RASSF3: variants seen among roughly 807,000 people sequenced by gnomAD.
RASSF3 encodes the protein ras association domain-containing protein 3.
In RASSF3, 19 loss-of-function variants were observed where a neutral mutation model predicts 19.9. The observed-to-expected ratio is 0.96, with a 90% confidence interval of 0.67 to 1.40. The LOEUF is 1.40. Ranked by LOEUF, RASSF3 falls within the 40% of genes most tolerant of loss-of-function variation. The pLI is 0.00. For missense variants in RASSF3, 306 were observed against 289.8 expected (o/e 1.06, Z -0.41); for synonymous variants, 110 against 104.2 (o/e 1.06, Z -0.34).
intron 1 of RASSF3, among the ~76,000 whole-genome samples, chr12:64,613,641 A>G (rs1195741794): frequency 6.6e-6 from 1 of 152,158 alleles, no homozygotes; most frequent in Non-Finnish European, 1.5e-5. Flanking sequence ...ACAAAAATGG[A>G]AAAGGGTTAA....
chr12:64,586,196 C>T (rs1043962407), intron 2 of RASSF3, among the ~76,000 whole-genome samples: 6 of 151,898 alleles, frequency 4.0e-5, no homozygotes, highest in African/African-American at 9.7e-5. Flanking sequence ...TGGTGGCGGG[C>T]GCCTGTAATC....
rs138803925 is a variant in RASSF3, at chr12:64,525,542, T to C, written c.170-16039T>C. ...GGTCAGGCAGCTCTTCTCCTCATTG[T>C]CTCATATGAACAGTCATACGCATTC... On this transcript the variant is annotated intron_variant, in intron 1 of 5. Coordinates refer to the RASSF3 transcript ENST00000637125. Among the ~76,000 whole-genome samples, 6 of 152,276 alleles carry C rather than the reference T, an allele frequency of 3.9e-5. No homozygotes were observed. The East Asian group carries it at 1.2e-3, about 29-fold the overall frequency.
chr12:64,609,066 G>GT (rs1349059604), upstream of RASSF3, among the ~76,000 whole-genome samples: 1 of 152,146 alleles, frequency 6.6e-6, no homozygotes, highest in Admixed American at 6.6e-5. Context: ...GGTGGAGCAG[G>GT]TTTGCAAGCC....
downstream of RASSF3, among the ~76,000 whole-genome samples, chr12:64,544,846 A>G (rs1006656620): frequency 1.2e-4 from 18 of 152,222 alleles, no homozygotes; most frequent in Non-Finnish European, 1.0e-4. Context: ...GACCAAATAC[A>G]TGAGTTTGCC....
chr12:64,518,052 C>A (rs779401574), intron 1 of RASSF3, among the ~76,000 whole-genome samples: 15 of 152,022 alleles, frequency 9.9e-5, no homozygotes, highest in Non-Finnish European at 1.9e-4. Flanking sequence ...TATGACTATA[C>A]TTAAAAGACT....
Position 64,615,455 on chromosome 12 carries a change from A to G in RASSF3, c.111+4712A>G, listed in dbSNP as rs1483338286. Among the ~76,000 whole-genome samples the G allele has an allele frequency of 5.9e-5, 9 of 152,334 alleles. No individual in the cohort carries two copies. In the East Asian group the frequency reaches 9.6e-4, roughly 16 times the overall value. ...GAATTTTACTTCAGTAAGTAAGTCT[A>G]TTAGACTCCCCATAGCAGGCCTCAA... On this transcript the variant is annotated intron_variant, in intron 1 of 4. Coordinates refer to ENST00000542104, the MANE Select transcript of RASSF3 (RefSeq NM_178169.4).
At chr12:64,633,511 C>T (rs764536366) in intron 1 of RASSF3, among the ~76,000 whole-genome samples, 22 of 144,904 alleles carry the variant, frequency 1.5e-4, no homozygotes, top group Non-Finnish European at 3.2e-4. Context: ...TTTCCTTTCA[C>T]CTCCTGAGGT....
intron 1 of RASSF3, among the ~76,000 whole-genome samples, chr12:64,673,227 T>C (rs139060038): frequency 6.6e-6 from 1 of 152,336 alleles, no homozygotes; most frequent in Non-Finnish European, 1.5e-5. Context: ...AGGAGATGTA[T>C]GGCTGCTGGG....
intron 2 of RASSF3, among the ~76,000 whole-genome samples, chr12:64,596,463 G>A (rs975864714): frequency 6.6e-6 from 1 of 152,186 alleles, no homozygotes; most frequent in African/African-American, 2.4e-5. Flanking sequence ...GGCTGTACAA[G>A]CATGGCACCA....
At chr12:64,635,925 T>A (rs933789002) in intron 1 of RASSF3, among the ~76,000 whole-genome samples, 1 of 152,116 alleles carries the variant, frequency 6.6e-6, no homozygotes, top group Non-Finnish European at 1.5e-5. Flanking sequence ...ATTATGAAAA[T>A]AGGCAGTATC....
intron 2 of RASSF3, among the ~76,000 whole-genome samples, chr12:64,599,925 G>C (rs559901131): frequency 4.0e-4 from 61 of 151,558 alleles, no homozygotes; most frequent in Admixed American, 2.0e-4. Flanking sequence ...CCAGCTCCTC[G>C]GGAGGCTGAG....
intron 3 of RASSF3, among the ~76,000 whole-genome samples, chr12:64,689,998 C>T (rs1230122825): frequency 6.6e-6 from 1 of 151,534 alleles, no homozygotes; most frequent in Non-Finnish European, 1.5e-5. Context: ...ACTGTGTTAG[C>T]TAGGATGGTC....
intron 1 of RASSF3, among the ~76,000 whole-genome samples, chr12:64,637,907 C>T (rs561379002): frequency 6.7e-4 from 102 of 151,576 alleles, no homozygotes; most frequent in Non-Finnish European, 1.3e-3. Flanking sequence ...TCTTGGCTGA[C>T]TGCAACCTCC....
intron 2 of RASSF3, among the ~76,000 whole-genome samples, chr12:64,560,782 G>A (rs1869333209): frequency 1.3e-5 from 2 of 152,184 alleles, no homozygotes; most frequent in South Asian, 4.1e-4. Context: ...GAATACTTGT[G>A]CGGGATAAAG....
chr12:64,667,839 G>T (rs899168516), intron 1 of RASSF3, among the ~76,000 whole-genome samples: 1 of 152,170 alleles, frequency 6.6e-6, no homozygotes, highest in Admixed American at 6.5e-5. Context: ...GAGGACAGAG[G>T]GCAGGACTGG....
intron 2 of RASSF3, among the ~76,000 whole-genome samples, chr12:64,549,210 C>A (rs1869116775): frequency 6.6e-6 from 1 of 152,154 alleles, no homozygotes; most frequent in Non-Finnish European, 1.5e-5. Flanking sequence ...GTTCTTCTGC[C>A]AGTTGTAGAT....
intron 1 of RASSF3, among the ~76,000 whole-genome samples, chr12:64,512,524 G>T (rs969971393): frequency 2.0e-5 from 3 of 152,036 alleles, no homozygotes; most frequent in African/African-American, 7.3e-5. Flanking sequence ...ACTGTAAAAG[G>T]CTACTTATTT....
At chr12:64,544,914 G>A (rs1869026562), downstream of RASSF3, among the ~76,000 whole-genome samples, 2 of 152,208 alleles carry the variant, frequency 1.3e-5, no homozygotes, top group African/African-American at 4.8e-5. Flanking sequence ...CTGTTTAGAA[G>A]AGTGTGTTCA....
chr12:64,617,897 AT>A (rs1870609259), intron 1 of RASSF3, among the ~76,000 whole-genome samples: 1 of 152,138 alleles, frequency 6.6e-6, no homozygotes, highest in African/African-American at 2.4e-5. Context: ...GTGGAAGTGT[AT>A]CACTTCCTGT....
Sources: allele counts gnomAD v4.1 joint callset (sites outside exome capture counted in the v4.1 genomes callset), GRCh38; gene constraint gnomAD v4.1.1; transcripts MANE v1.5; gene names NCBI Gene and HGNC (gene_info 2026-07-23, HGNC 2026-07-21).